The following CNKSR2 variants were observed in gnomAD, a reference collection of about 807,000 sequenced individuals.
The protein encoded by CNKSR2 is connector enhancer of kinase suppressor of Ras 2.
In CNKSR2, 14 loss-of-function variants were observed where a neutral mutation model predicts 84.4. That is an observed-to-expected ratio of 0.17 (90% CI 0.11 to 0.26). CNKSR2 has a LOEUF of 0.26. Among genes scored for constraint, CNKSR2 ranks in the 10% least tolerant of loss-of-function variants. CNKSR2 has a pLI of 1.00. For missense variants in CNKSR2, 485 were observed against 771.2 expected, an observed-to-expected ratio of 0.63 and a Z score of 4.40; for synonymous variants, 275 against 277.9, an observed-to-expected ratio of 0.99 and a Z score of 0.10.
chrX:21,626,524 A>T (rs763931076), intron 20 of CNKSR2, among the ~76,000 whole-genome samples: 17 of 111,976 alleles, frequency 1.5e-4, no homozygotes, highest in Non-Finnish European at 2.8e-4. Context: ...AACTAATTCA[A>T]CAATCCAGAT....
At chrX:21,502,740 G>T (rs1052694228) in intron 8 of CNKSR2, among the ~76,000 whole-genome samples, 3 of 111,638 alleles carry the variant, frequency 2.7e-5, no homozygotes, top group African/African-American at 6.5e-5. Flanking sequence ...GTTGGTAAAC[G>T]TTTTCAAAAT....
chrX:21,576,448 C>G (rs1382480351), intron 13 of CNKSR2, among the ~76,000 whole-genome samples: 2 of 110,768 alleles, frequency 1.8e-5, no homozygotes, highest in African/African-American at 3.3e-5. Flanking sequence ...TAATCTCAGC[C>G]CCTACCTCAA....
chrX:21,448,585 T>C (rs1459484411), intron 4 of CNKSR2, among the ~76,000 whole-genome samples: 2 of 112,225 alleles, frequency 1.8e-5, no homozygotes, highest in Admixed American at 9.5e-5. Context: ...TTATAGTTAC[T>C]ATTAGGTTGG....
chrX:21,649,170 CT>C, intron 21 of CNKSR2, 143 bp downstream of exon 21: 1 of 439,812 alleles, frequency 2.3e-6, no homozygotes, highest in African/African-American at 2.5e-5. Flanking sequence ...TGAGCTATTT[CT>C]ATGTCATAAT....
intron 2 of CNKSR2, among the ~76,000 whole-genome samples, chrX:21,431,590 C>T (rs2090634618): frequency 1.8e-5 from 2 of 111,883 alleles, no homozygotes; most frequent in African/African-American, 6.5e-5. Flanking sequence ...ACTTTACACA[C>T]AACAGTAATG....
chrX:21,559,437 A>G, intron 11 of CNKSR2, among the ~76,000 whole-genome samples: 1 of 110,796 alleles, frequency 9.0e-6, no homozygotes, highest in Non-Finnish European at 1.9e-5. Context: ...CTCTGGGTGC[A>G]CATGCATAGT....
At chrX:21,579,798 C>T (rs186918632) in intron 13 of CNKSR2, among the ~76,000 whole-genome samples, 10 of 111,871 alleles carry the variant, frequency 8.9e-5, no homozygotes, top group African/African-American at 3.2e-4. Context: ...TCCAACAGTA[C>T]TACCAAAATG....
intron 1 of CNKSR2, among the ~76,000 whole-genome samples, chrX:21,379,500 A>G (rs773575423): frequency 8.9e-6 from 1 of 112,361 alleles, no homozygotes; most frequent in African/African-American, 3.2e-5. Flanking sequence ...GAAGAAATAT[A>G]TCTTTTCCAT....
chrX:21,584,292 C>T (rs905486503), intron 13 of CNKSR2, among the ~76,000 whole-genome samples: 1 of 112,061 alleles, frequency 8.9e-6, no homozygotes, highest in Non-Finnish European at 1.9e-5. Flanking sequence ...CAACAATCAG[C>T]TAATTAAGAT....
chrX:21,645,066 T>G (rs1049745702), intron 20 of CNKSR2: 7 of 111,745 alleles, frequency 6.3e-5, no homozygotes, highest in East Asian at 5.6e-4. Flanking sequence ...TATCACTTAC[T>G]ACCTAGAGGT....
intron 1 of CNKSR2, among the ~76,000 whole-genome samples, chrX:21,383,024 C>T (rs1237353093): frequency 9.0e-6 from 1 of 111,649 alleles, no homozygotes. Flanking sequence ...AGCCTGCCTC[C>T]TCCCAATTTA....
chrX:21,385,018 GGATT>G (rs1486799934), intron 1 of CNKSR2, among the ~76,000 whole-genome samples: 1 of 111,728 alleles, frequency 9.0e-6, no homozygotes, highest in African/African-American at 3.2e-5. Context: ...TTCTCCTACT[GGATT>G]GGATTTACAA....
intron 4 of CNKSR2, among the ~76,000 whole-genome samples, chrX:21,455,389 A>G (rs2090983958): frequency 8.9e-6 from 1 of 111,953 alleles, no homozygotes; most frequent in Non-Finnish European, 1.9e-5. Flanking sequence ...ACATTTTTGC[A>G]TAAAGCTTCT....
At chrX:21,509,238 C>T (rs963360647) in intron 8 of CNKSR2, among the ~76,000 whole-genome samples, 2 of 111,770 alleles carry the variant, frequency 1.8e-5, no homozygotes, top group Non-Finnish European at 3.8e-5. Flanking sequence ...AATTAAGCCA[C>T]GTTAAAAAAC....
chrX:21,481,551 C>G (rs1324175488), intron 5 of CNKSR2, among the ~76,000 whole-genome samples: 2 of 111,373 alleles, frequency 1.8e-5, no homozygotes, highest in Non-Finnish European at 3.8e-5. Context: ...CAATGAATTT[C>G]ACTCTCATGA....
intron 13 of CNKSR2, among the ~76,000 whole-genome samples, chrX:21,587,529 C>T (rs1008514846): frequency 2.7e-5 from 3 of 111,747 alleles, no homozygotes; most frequent in African/African-American, 9.8e-5. Flanking sequence ...TTATGAATTA[C>T]GGTCATATGT....
At chrX:21,584,545 A>G (rs1225778890) in intron 13 of CNKSR2, among the ~76,000 whole-genome samples, 2 of 112,546 alleles carry the variant, frequency 1.8e-5, no homozygotes, top group South Asian at 3.7e-4. Flanking sequence ...AAAAGAACAG[A>G]AAGTATTGAG....
chrX:21,441,783 T>TA (rs1454179779), intron 4 of CNKSR2, among the ~76,000 whole-genome samples: 1 of 111,642 alleles, frequency 9.0e-6, no homozygotes, highest in Non-Finnish European at 1.9e-5. Flanking sequence ...TGTAGACTTT[T>TA]AAAAAAATCT....
intron 13 of CNKSR2, among the ~76,000 whole-genome samples, chrX:21,575,386 G>A (rs973396634): frequency 2.7e-5 from 3 of 109,830 alleles, no homozygotes; most frequent in South Asian, 4.0e-4. Flanking sequence ...CTCATTCACC[G>A]CAAACTGGTG....
Sources: allele counts gnomAD v4.1 joint callset (sites outside exome capture counted in the v4.1 genomes callset), GRCh38; gene constraint gnomAD v4.1.1; transcripts MANE v1.5; gene names NCBI Gene and HGNC (gene_info 2026-07-23, HGNC 2026-07-21).